Variants in MICAL2 observed in about 807,000 individuals in gnomAD.
MICAL2 encodes the protein microtubule associated monooxygenase, calponin and LIM domain containing 2.
A neutral mutation model predicts 127.3 loss-of-function variants in MICAL2; 77 were observed. The observed-to-expected ratio is 0.60, with a 90% CI of 0.50 to 0.73. MICAL2 has a LOEUF of 0.73. MICAL2 is among the 30% of genes least tolerant of loss of function. The probability of loss-of-function intolerance (pLI) is 0.00; values close to 1 mark genes in which losing one functional copy is unlikely to be tolerated. For synonymous variants in MICAL2, 570 were observed against 551.1 expected (o/e 1.03, Z -0.48); for missense variants, 1,351 against 1,434.4 (o/e 0.94, Z 0.94).
downstream of MICAL2, chr11:12,294,741 C>T (rs775612532): frequency 2.4e-5 from 38 of 1,613,112 alleles, no homozygotes; most frequent in Middle Eastern, 1.6e-4. Flanking sequence ...GAAGATAGTG[C>T]GCAGGCCCTG....
intron 1 of MICAL2, among the ~76,000 whole-genome samples, chr11:12,129,784 T>G (rs1351316306): frequency 6.6e-6 from 1 of 152,058 alleles, no homozygotes; most frequent in Admixed American, 6.6e-5. Flanking sequence ...CATAGCTCAC[T>G]GCAGCCTCAA....
intron 32 of MICAL2, among the ~76,000 whole-genome samples, chr11:12,330,900 A>AGTGTGTGT (rs200754218): frequency 0.013 from 1,517 of 119,210 alleles, 17 homozygotes; most frequent in African/African-American, 0.016. Flanking sequence ...AGAGAGAGAG[A>AGTGTGTGT]GTGTGTGTGT....
intron 3 of MICAL2, among the ~76,000 whole-genome samples, chr11:12,168,959 A>AAG (rs1475198373): frequency 1.5e-4 from 3 of 19,678 alleles, no homozygotes; most frequent in African/African-American, 2.6e-4. Context: ...AAAAAAAAAA[A>AAG]AAAAGAAAAG....
intron 29 of MICAL2, among the ~76,000 whole-genome samples, chr11:12,298,600 AG>A (rs1864012585): frequency 6.6e-6 from 1 of 152,134 alleles, no homozygotes; most frequent in East Asian, 1.9e-4. Flanking sequence ...TGTTTTTCCC[AG>A]TTAAGCATGG....
chr11:12,213,429 T>G lies in MICAL2; in HGVS notation c.847+19T>G, dbSNP rs377378811. ...GAAACAGGTGGGACCTTCACCTTTC[T>G]CCCAACCAGGCCAAGGTCTAAAGTT... On this transcript the variant is annotated intron_variant, in intron 7 of 27. Transcript: ENST00000683283. 1 of 1,609,048 alleles carries G rather than the reference T, an allele frequency of 6.2e-7. No individual in the cohort carries two copies. Among genetic ancestry groups the G allele is most frequent in the Non-Finnish European group, 8.5e-7 (1 of 1,177,212 alleles).
At chr11:12,262,201 T>A in intron 26 of MICAL2, 2 of 1,323,574 alleles carry the variant, frequency 1.5e-6, no homozygotes, top group Non-Finnish European at 1.9e-6. Flanking sequence ...CAAGAATGAA[T>A]GGGAGACGCT....
At position 12,243,968 on chromosome 11, in the gene MICAL2, C is replaced by T; in HGVS notation, c.2659-19C>T. The T allele has an allele frequency of 1.2e-6, 2 of 1,612,904 alleles. No individual in the cohort carries two copies. Among genetic ancestry groups the T allele is most frequent in the Non-Finnish European group, 1.7e-6 (2 of 1,178,916 alleles). On this transcript the variant is annotated intron_variant, in intron 20 of 27. Transcript: ENST00000683283. ...ACTCCTGGGATAATCCTTGTTTCTT[C>T]TATTTCTGTTCTGTGCAGAATAAAC...
At chr11:12,111,720 T>A (rs1849622091) in intron 1 of MICAL2, among the ~76,000 whole-genome samples, 1 of 152,234 alleles carries the variant, frequency 6.6e-6, no homozygotes, top group Non-Finnish European at 1.5e-5. Context: ...TACAATGATT[T>A]TGGTGAAGGA....
chr11:12,309,950 T>C (rs897847460), intron 29 of MICAL2, among the ~76,000 whole-genome samples: 1 of 152,212 alleles, frequency 6.6e-6, no homozygotes, highest in Non-Finnish European at 1.5e-5. Flanking sequence ...TATTTTTTCA[T>C]ACACTTGTTG....
chr11:12,320,877 A>G (rs1179069206), intron 30 of MICAL2, among the ~76,000 whole-genome samples: 1 of 152,056 alleles, frequency 6.6e-6, no homozygotes, highest in Non-Finnish European at 1.5e-5. Context: ...AAGATGTATG[A>G]ATTTCTCATT....
chr11:12,276,159 G>A, exon 1 of MICAL2: 1 of 399,264 alleles, frequency 2.5e-6, no homozygotes, highest in Non-Finnish European at 4.4e-6. Flanking sequence ...CACCAGCGAA[G>A]ACAGCAGGTA....
At chr11:12,294,480 A>G, downstream of MICAL2, 2 of 1,614,136 alleles carry the variant, frequency 1.2e-6, no homozygotes, top group East Asian at 2.2e-5. Context: ...AGTTTGCCCA[A>G]TCGGCCATCC....
At chr11:12,324,215 G>C in intron 31 of MICAL2, 1 of 1,005,414 alleles carries the variant, frequency 9.9e-7, no homozygotes, top group Middle Eastern at 3.2e-4. Flanking sequence ...AACCAGATTT[G>C]TGGCCGTTTT....
In MICAL2 at chr11:12,236,347, C is replaced by T. The variant is rs534519009; in HGVS notation, c.2064+102C>T. 7 of 1,029,068 alleles carry T rather than the reference C, an allele frequency of 6.8e-6. No homozygotes were observed. In the African/African-American group the frequency reaches 7.9e-5, roughly 12 times the overall value. 63.7% of individuals were successfully genotyped at this position (1,029,068 alleles called of 1,614,324 possible). A position where few individuals can be genotyped will look rare whatever the true frequency, so the allele number is the denominator to read the frequency against. The stretch of plus-strand genomic sequence containing the variant: ...AGCAGCCTGGCCCTGTTCCTTCCCT[C>T]TCTCATGAACCACTGGGTTCCAAGC... On this transcript the variant is annotated intron_variant, in intron 16 of 27. Coordinates refer to ENST00000683283, the MANE Select transcript of MICAL2 (RefSeq NM_001282663.2).
intron 24 of MICAL2, among the ~76,000 whole-genome samples, chr11:12,268,792 C>T (rs1863637632): frequency 6.6e-6 from 1 of 151,610 alleles, no homozygotes; most frequent in East Asian, 1.9e-4. Flanking sequence ...AGATCGAGAC[C>T]ATCCTGGCTA....
downstream of MICAL2, among the ~76,000 whole-genome samples, chr11:12,295,666 G>A (rs1003434726): frequency 4.6e-5 from 7 of 151,670 alleles, no homozygotes; most frequent in Non-Finnish European, 1.0e-4. Flanking sequence ...CAAGGTGTTG[G>A]GATTACAGGT....
intron 2 of MICAL2, among the ~76,000 whole-genome samples, chr11:12,281,863 G>A (rs1441532088): frequency 6.6e-6 from 1 of 152,194 alleles, no homozygotes; most frequent in Non-Finnish European, 1.5e-5. Context: ...CTGGAACTGA[G>A]TGTTTTGATT....
At chr11:12,246,369 A>G (rs575103013) in intron 21 of MICAL2, among the ~76,000 whole-genome samples, 2 of 152,306 alleles carry the variant, frequency 1.3e-5, no homozygotes, top group South Asian at 4.1e-4. Flanking sequence ...AAGGGAGGCC[A>G]TTGCTGATCT....
At chr11:12,132,636 T>G (rs1851517206) in intron 1 of MICAL2, among the ~76,000 whole-genome samples, 2 of 152,232 alleles carry the variant, frequency 1.3e-5, no homozygotes, top group Non-Finnish European at 2.9e-5. Context: ...ATGAAGCCTG[T>G]GTCCTGTGAG....
Sources: gnomAD v4.1 joint callset for allele counts (sites outside exome capture counted in the v4.1 genomes callset) on GRCh38, gnomAD v4.1.1 for gene constraint, MANE v1.5 for transcripts, NCBI Gene and HGNC (gene_info 2026-07-23, HGNC 2026-07-21) for gene names.